DTNA: variants seen among roughly 807,000 people sequenced by gnomAD.
DTNA encodes the protein dystrophin-related protein 3.
In DTNA, 43 loss-of-function variants were observed where a neutral mutation model predicts 100.7. The observed-to-expected ratio is 0.43, with a 90% CI of 0.33 to 0.55. The LOEUF (loss-of-function observed/expected upper bound fraction) is 0.55. DTNA is among the 20% of genes least tolerant of loss of function. DTNA has a pLI of 0.04. For synonymous variants in DTNA, 349 were observed against 347.9 expected, an observed-to-expected ratio of 1.00 and a Z score of -0.04; for missense variants, 798 against 953.9, an observed-to-expected ratio of 0.84 and a Z score of 2.15.
chr18:34,663,163 TA>T (rs1354030731), intron 1 of DTNA, among the ~76,000 whole-genome samples: 2 of 152,264 alleles, frequency 1.3e-5, no homozygotes, highest in East Asian at 1.9e-4. Flanking sequence ...TTTTACTTTT[TA>T]TTTTTTTGAG....
At chr18:34,575,962 C>G (rs751315199) in intron 1 of DTNA, among the ~76,000 whole-genome samples, 2 of 152,180 alleles carry the variant, frequency 1.3e-5, no homozygotes, top group Non-Finnish European at 2.9e-5. Context: ...GCTTAATGAC[C>G]TCTCTTAAAA....
rs73424148 is a variant in DTNA at position 34,505,423 on chromosome 18, C to T, written c.-2+11909C>T. ...CTACCAAATCTCTTTTTTCCATTCA[C>T]AGCTTCCAGGGATTGGAGCCATTCT... is the stretch of plus-strand genomic sequence containing the variant. On this transcript the variant is annotated intron_variant, in intron 1 of 19. Transcript: ENST00000283365. 5.6e-3 allele frequency among the ~76,000 whole-genome samples: 851 copies of T among 152,304 alleles called. 8 individuals carry two copies. Among genetic ancestry groups the T allele is most frequent in the African/African-American group, 0.019 (808 of 41,566 alleles).
chr18:34,681,023 T>C (rs2078030485), intron 1 of DTNA, among the ~76,000 whole-genome samples: 1 of 152,088 alleles, frequency 6.6e-6, no homozygotes, highest in African/African-American at 2.4e-5. Flanking sequence ...ACCTCTTCCC[T>C]TTTGTCCCTT....
intron 17 of DTNA, among the ~76,000 whole-genome samples, chr18:34,870,763 C>G (rs1291499570): frequency 6.6e-6 from 1 of 152,080 alleles, no homozygotes; most frequent in Non-Finnish European, 1.5e-5. Context: ...TGTCACATTT[C>G]CCATGCCTTG....
chr18:34,713,446 T>C (rs1034309965), intron 1 of DTNA, among the ~76,000 whole-genome samples: 1 of 152,174 alleles, frequency 6.6e-6, no homozygotes, highest in African/African-American at 2.4e-5. Context: ...TAAACTTAGA[T>C]ATGCAGCGTT....
At chr18:34,634,854 G>C (rs147588866) in intron 1 of DTNA, among the ~76,000 whole-genome samples, 1 of 151,940 alleles carries the variant, frequency 6.6e-6, no homozygotes, top group Non-Finnish European at 1.5e-5. Context: ...AGCAATTTTC[G>C]AGAATACAAT....
chr18:34,614,414 G>A (rs2054834154), intron 1 of DTNA, among the ~76,000 whole-genome samples: 1 of 152,086 alleles, frequency 6.6e-6, no homozygotes, highest in Non-Finnish European at 1.5e-5. Flanking sequence ...CATCTCCCAA[G>A]GCTGTAGCTG....
chr18:34,839,699 T>G (rs977646045), intron 13 of DTNA, among the ~76,000 whole-genome samples: 4 of 152,286 alleles, frequency 2.6e-5, no homozygotes, highest in South Asian at 4.2e-4. Flanking sequence ...TTCTCTCAAT[T>G]AAGGGCCCAT....
At chr18:34,609,119 A>T (rs1254302816) in intron 1 of DTNA, among the ~76,000 whole-genome samples, 1 of 152,350 alleles carries the variant, frequency 6.6e-6, no homozygotes, top group East Asian at 1.9e-4. Context: ...CTAAGCCCAC[A>T]CAATTCTCAT....
intron 1 of DTNA, among the ~76,000 whole-genome samples, chr18:34,539,737 C>T (rs1284602473): frequency 2.6e-5 from 4 of 151,696 alleles, no homozygotes; most frequent in African/African-American, 9.7e-5. Context: ...AAGATATAAA[C>T]CTTGGACTAA....
chr18:34,503,279 ATTTTTT>A (rs869258771), intron 1 of DTNA, among the ~76,000 whole-genome samples: 1 of 62,040 alleles, frequency 1.6e-5, no homozygotes, highest in Admixed American at 2.5e-4. Flanking sequence ...TAATTGGCTC[ATTTTTT>A]TTTTTTTTTT....
chr18:34,889,623 A>G lies in DTNA; in HGVS notation c.*1889A>G, dbSNP rs949081830. 1 of 985,440 alleles carries G rather than the reference A, an allele frequency of 1.0e-6. No individual in the cohort carries two copies. Among genetic ancestry groups the G allele is most frequent in the African/African-American group, 1.7e-5 (1 of 57,220 alleles). 61.0% of individuals were successfully genotyped at this position (985,440 alleles called of 1,614,324 possible). A position where few individuals can be genotyped will look rare whatever the true frequency, so the allele number is the denominator to read the frequency against. ...CAGAGGGCGGCTGTACGATGTTCAC[A>G]TGTCTGCGTTTGGTCAGACATCATC... On this transcript the variant is annotated 3_prime_UTR_variant, in exon 23 of 23. Transcript: ENST00000444659.
At chr18:34,800,044 C>T (rs568643829) in intron 4 of DTNA, among the ~76,000 whole-genome samples, 1 of 152,190 alleles carries the variant, frequency 6.6e-6, no homozygotes, top group Non-Finnish European at 1.5e-5. Context: ...TTAATTATGC[C>T]TGTGAACACT....
chr18:34,829,312 T>C, intron 10 of DTNA, 88 bp from the exon 11 acceptor site: 1 of 1,525,880 alleles, frequency 6.6e-7, no homozygotes, highest in Non-Finnish European at 8.8e-7. Context: ...TCAATAAAGC[T>C]GTGTACACTA....
intron 1 of DTNA, among the ~76,000 whole-genome samples, chr18:34,647,797 A>T (rs532072685): frequency 6.6e-6 from 1 of 152,354 alleles, no homozygotes; most frequent in South Asian, 2.1e-4. Context: ...CAGCTAATAT[A>T]GGCTCTAAAA....
intron 13 of DTNA, among the ~76,000 whole-genome samples, chr18:34,845,268 C>T (rs1468446415): frequency 6.6e-6 from 1 of 152,092 alleles, no homozygotes; most frequent in Non-Finnish European, 1.5e-5. Context: ...AATATTATCA[C>T]ACAGGCCCTC....
chr18:34,778,701 G>T (rs1259115789), intron 3 of DTNA, among the ~76,000 whole-genome samples: 1 of 152,156 alleles, frequency 6.6e-6, no homozygotes, highest in Non-Finnish European at 1.5e-5. Context: ...ATGGTTAAGT[G>T]ACCTTCATGG....
chr18:34,874,302 C>A (rs757382392), intron 17 of DTNA, among the ~76,000 whole-genome samples: 1 of 152,160 alleles, frequency 6.6e-6, no homozygotes, highest in Non-Finnish European at 1.5e-5. Context: ...GATGTGAACA[C>A]CTAATCTGTT....
At chr18:34,819,277 G>A (rs1602616466) in intron 8 of DTNA, among the ~76,000 whole-genome samples, 1 of 152,148 alleles carries the variant, frequency 6.6e-6, no homozygotes, top group Non-Finnish European at 1.5e-5. Context: ...GTTCTTCCTA[G>A]GAATTATTAT....
Sources: gnomAD v4.1 joint callset for allele counts (sites outside exome capture counted in the v4.1 genomes callset) on GRCh38, gnomAD v4.1.1 for gene constraint, MANE v1.5 for transcripts, NCBI Gene and HGNC (gene_info 2026-07-23, HGNC 2026-07-21) for gene names.